Variants in TMEFF2 observed in about 807,000 individuals in gnomAD.
TMEFF2 encodes tomoregulin-2.
TMEFF2 carries 28 observed loss-of-function variants against 53.8 expected under a neutral mutation model. The ratio of observed to expected loss-of-function variants is 0.52; its 90% CI spans 0.39 to 0.71. The LOEUF (loss-of-function observed/expected upper bound fraction) is 0.71. Among genes scored for constraint, TMEFF2 ranks in the 30% least tolerant of loss-of-function variants. The pLI is 0.00. For missense variants in TMEFF2, 353 were observed against 455.2 expected, an observed-to-expected ratio of 0.78 and a Z score of 2.04; for synonymous variants, 162 against 166.3, an observed-to-expected ratio of 0.97 and a Z score of 0.20.
At chr2:192,166,251 C>A (rs977625008) in intron 4 of TMEFF2, among the ~76,000 whole-genome samples, 1 of 152,146 alleles carries the variant, frequency 6.6e-6, no homozygotes, top group Admixed American at 6.5e-5. Flanking sequence ...TCTACCTCCC[C>A]TCAGGTATGG....
chr2:192,113,686 C>T (rs887635689), intron 4 of TMEFF2, among the ~76,000 whole-genome samples: 5 of 152,012 alleles, frequency 3.3e-5, no homozygotes, highest in African/African-American at 1.2e-4. Flanking sequence ...TTTCAATAAG[C>T]AATAAGCTTA....
intron 6 of TMEFF2, 64 bp from the exon 7 acceptor site, chr2:191,998,385 A>G: frequency 8.3e-7 from 1 of 1,207,560 alleles, no homozygotes; most frequent in Non-Finnish European, 1.2e-6. Context: ...TATCAAACTT[A>G]TATATTTCCT....
intron 4 of TMEFF2, among the ~76,000 whole-genome samples, chr2:192,077,380 A>T (rs917432342): frequency 3.9e-5 from 6 of 152,124 alleles, no homozygotes; most frequent in Non-Finnish European, 5.9e-5. Flanking sequence ...TATAATGTAT[A>T]AAAAAACTCT....
At chr2:191,998,420 A>C (rs1574278052) in intron 6 of TMEFF2, 99 bp from the exon 7 acceptor site, 1 of 859,288 alleles carries the variant, frequency 1.2e-6, no homozygotes, top group East Asian at 2.9e-5. Flanking sequence ...ATTGCAATTA[A>C]GGAATTTTTA....
intron 4 of TMEFF2, among the ~76,000 whole-genome samples, chr2:192,112,029 T>G (rs912593597): frequency 5.3e-5 from 8 of 152,208 alleles, no homozygotes; most frequent in African/African-American, 1.7e-4. Flanking sequence ...GCTGCATGGA[T>G]GGAGACCTCA....
chr2:191,986,454 C>T (rs1685976731), intron 7 of TMEFF2, among the ~76,000 whole-genome samples: 1 of 152,140 alleles, frequency 6.6e-6, no homozygotes, highest in Non-Finnish European at 1.5e-5. Context: ...AGAAAAACAA[C>T]TTCTTTAGCC....
chr2:192,191,802 A>G, intron 2 of TMEFF2, 78 bp downstream of exon 2: 2 of 1,038,266 alleles, frequency 1.9e-6, no homozygotes, highest in East Asian at 2.5e-5. Flanking sequence ...TAAATTTCCA[A>G]GTGATAGGCT....
chr2:192,176,700 T>G (rs1559158532), intron 4 of TMEFF2: 2 of 151,328 alleles, frequency 1.3e-5, no homozygotes, highest in East Asian at 3.9e-4. Flanking sequence ...CCTTTTATAT[T>G]GCAGTAAAAA....
chr2:192,065,585 A>T (rs866551253), intron 4 of TMEFF2, among the ~76,000 whole-genome samples: 4 of 151,742 alleles, frequency 2.6e-5, no homozygotes, highest in African/African-American at 9.7e-5. Flanking sequence ...GTCAATATCA[A>T]TCTAGTGGTC....
intron 4 of TMEFF2, among the ~76,000 whole-genome samples, chr2:192,128,516 G>T (rs1448868098): frequency 6.6e-6 from 1 of 152,150 alleles, no homozygotes; most frequent in African/African-American, 2.4e-5. Context: ...TGTACGGATA[G>T]AAAATGAACA....
rs1382165151 is a variant in TMEFF2, at chr2:191,949,699, ATTTAG to A, written c.*607_*611del. 1.0e-6 allele frequency: 1 copy of A among 985,220 alleles called. No individual in the cohort carries two copies. Among genetic ancestry groups the A allele is most frequent in the African/African-American group, 1.7e-5 (1 of 57,222 alleles). The allele number at this position is 985,220 out of a possible 1,614,324, so 61.0% of individuals were successfully genotyped here. A position where few individuals can be genotyped will look rare whatever the true frequency, so the allele number is the denominator to read the frequency against. On this transcript the variant is annotated 3_prime_UTR_variant, in exon 10 of 10. Transcript: ENST00000272771. ...ACACTTTCCCTCCCCTTCTTCTTTT[ATTTAG>A]TTTATATGCCAGAGATTTTTCTGCT...
chr2:192,057,443 G>A (rs1687937794), intron 5 of TMEFF2, among the ~76,000 whole-genome samples: 1 of 152,006 alleles, frequency 6.6e-6, no homozygotes, highest in Non-Finnish European at 1.5e-5. Context: ...CAGTTTTGGG[G>A]GGCTTCAATG....
chr2:192,033,888 T>A (rs1012133386), intron 5 of TMEFF2, among the ~76,000 whole-genome samples: 7 of 152,114 alleles, frequency 4.6e-5, no homozygotes, highest in African/African-American at 1.7e-4. Flanking sequence ...AAAAAATCCT[T>A]TTTTTGGCCA....
chr2:192,018,522 T>C (rs1686791327), intron 5 of TMEFF2, among the ~76,000 whole-genome samples: 1 of 152,140 alleles, frequency 6.6e-6, no homozygotes, highest in South Asian at 2.1e-4. Context: ...ATTCAACCAT[T>C]ACTTAAAAGA....
chr2:192,136,710 C>A (rs772108885), intron 4 of TMEFF2, among the ~76,000 whole-genome samples: 26 of 152,132 alleles, frequency 1.7e-4, no homozygotes, highest in Non-Finnish European at 3.1e-4. Context: ...TCCTTTCCCT[C>A]TCTCTCCACA....
chr2:191,992,850 C>T (rs1373789626), intron 7 of TMEFF2: 5 of 151,950 alleles, frequency 3.3e-5, no homozygotes, highest in Non-Finnish European at 1.5e-5. Context: ...TCTCACAAAA[C>T]GTAACATCAT....
intron 7 of TMEFF2, among the ~76,000 whole-genome samples, chr2:191,976,889 GTTTTCCTT>G (rs1380626609): frequency 6.6e-6 from 1 of 152,152 alleles, no homozygotes; most frequent in Non-Finnish European, 1.5e-5. Context: ...ATTTTCGTTT[GTTTTCCTT>G]TTTTCCTATC....
intron 5 of TMEFF2, among the ~76,000 whole-genome samples, chr2:192,056,872 A>C (rs1232651320): frequency 6.6e-6 from 1 of 152,162 alleles, no homozygotes; most frequent in Non-Finnish European, 1.5e-5. Flanking sequence ...GAAGAAGGCT[A>C]TTTTAAGAGA....
intron 7 of TMEFF2, among the ~76,000 whole-genome samples, chr2:191,972,512 T>C (rs1026664617): frequency 2.6e-5 from 4 of 151,596 alleles, no homozygotes; most frequent in African/African-American, 9.7e-5. Context: ...AGCACATCTG[T>C]CTGTTACTAA....
Sources: allele counts gnomAD v4.1 joint callset (sites outside exome capture counted in the v4.1 genomes callset), GRCh38; gene constraint gnomAD v4.1.1; transcripts MANE v1.5; gene names NCBI Gene and HGNC (gene_info 2026-07-23, HGNC 2026-07-21).